The following HERC1 variants were observed in gnomAD, a reference collection of about 807,000 sequenced individuals.
HERC1 encodes HECT and RLD domain containing E3 ubiquitin protein ligase family member 1.
In HERC1, 160 loss-of-function variants were observed where a neutral mutation model predicts 554.3. That is an observed-to-expected ratio of 0.29 (90% CI 0.25 to 0.33). HERC1 has a LOEUF of 0.33. HERC1 is among the 10% of genes least tolerant of loss of function. The probability of loss-of-function intolerance (pLI) is 1.00; values close to 1 mark genes in which losing one functional copy is unlikely to be tolerated. For missense variants in HERC1, 4,919 were observed against 5,918.5 expected (o/e 0.83, Z 5.54); for synonymous variants, 2,175 against 2,131.7 (o/e 1.02, Z -0.56).
intron 24 of HERC1, among the ~76,000 whole-genome samples, chr15:63,708,205 T>G (rs1415765146): frequency 6.6e-6 from 1 of 152,084 alleles, no homozygotes; most frequent in African/African-American, 2.4e-5. Flanking sequence ...CATAGTACCT[T>G]TGCCATGAGG....
At chr15:63,663,237 C>T in intron 43 of HERC1, 33 bp from the exon 44 acceptor site, 8 of 1,561,086 alleles carry the variant, frequency 5.1e-6, no homozygotes, top group Non-Finnish European at 7.1e-6. Context: ...ATTTTATTTG[C>T]ATGCATAAAA....
intron 24 of HERC1, among the ~76,000 whole-genome samples, chr15:63,710,749 T>C (rs2073249758): frequency 6.6e-6 from 1 of 152,168 alleles, no homozygotes; most frequent in South Asian, 2.1e-4. Flanking sequence ...GAATGAAGAC[T>C]TGAAGAAAGA....
rs114514649 is a variant in HERC1, at chr15:63,695,208, T to C, written c.5122-314A>G. ...ATACCACCACACTTGGCTAATTTTT[T>C]GTATTTTCTGTAGAGACAGGGTTTC... is the stretch of plus-strand genomic sequence containing the variant. On this transcript the variant is annotated intron_variant, in intron 27 of 77. Coordinates refer to ENST00000443617, the MANE Select transcript of HERC1 (RefSeq NM_003922.4). Among the ~76,000 whole-genome samples the C allele has an allele frequency of 0.012, 1,853 of 150,980 alleles. 39 individuals are homozygous for C. Among genetic ancestry groups the C allele is most frequent in the African/African-American group, 0.044 (1,783 of 40,898 alleles).
In HERC1 at chr15:63,698,868, G is replaced by A; in HGVS notation, c.4765C>T (p.His1589Tyr). The change falls in exon 26 of 78, where the codon CAC (histidine) becomes TAC (tyrosine). Residue 1589 changes from histidine to tyrosine, a missense_variant. This residue lies in a region of HERC1 where 1,121 missense variants were observed against 1,244.0 expected (regional missense o/e 0.90). Coordinates refer to ENST00000443617, the MANE Select transcript of HERC1 (RefSeq NM_003922.4). ...DFDLTKSLGVHTLIENVVSFV... is the reference protein window; with the variant it reads ...DFDLTKSLGVYTLIENVVSFV... ...CTTACAACATTTTCAATCAAAGTGT[G>A]AACTCCCAAAGACTTGGTAAGATCA... The A allele has an allele frequency of 6.2e-7, 1 of 1,613,928 alleles. No individual in the cohort carries two copies. The highest frequency in any genetic ancestry group is 1.1e-5 in the South Asian group (1 of 91,076).
At chr15:63,824,307 G>A (rs933502675) in intron 1 of HERC1, among the ~76,000 whole-genome samples, 2 of 152,110 alleles carry the variant, frequency 1.3e-5, no homozygotes, top group Non-Finnish European at 2.9e-5. Flanking sequence ...GCCGAGGTGG[G>A]CAGATCACAA....
At chr15:63,661,128 G>A in intron 45 of HERC1, 103 bp from the exon 46 acceptor site, 1 of 822,114 alleles carries the variant, frequency 1.2e-6, no homozygotes, top group Admixed American at 2.1e-5. Context: ...TAATAAAGCA[G>A]CACAAAATAA....
chr15:63,660,102 T>A (rs937521708), intron 46 of HERC1, among the ~76,000 whole-genome samples, 166 bp from the exon 47 acceptor site: 2 of 152,032 alleles, frequency 1.3e-5, no homozygotes, highest in African/African-American at 4.8e-5. Flanking sequence ...CTGGATCACA[T>A]GAGGTCAGGA....
At chr15:63,645,390 C>G (rs2069284024) in intron 56 of HERC1, 93 bp downstream of exon 56, 3 of 902,050 alleles carry the variant, frequency 3.3e-6, no homozygotes, top group Non-Finnish European at 5.0e-6. Flanking sequence ...TGGCAATAAA[C>G]TCTTTAAGAC....
chr15:63,615,549 G>A (rs1412589069), intron 76 of HERC1, among the ~76,000 whole-genome samples: 1 of 152,256 alleles, frequency 6.6e-6, no homozygotes, highest in Non-Finnish European at 1.5e-5. Context: ...GGCAGAGGCT[G>A]CAGTGAGCTG....
At position 63,713,331 on chromosome 15, in the gene HERC1, T is replaced by A. The variant is rs749201768; in HGVS notation, c.4463+22A>T. ...TAAAGGGAAGTGAGTAGGTCATGTT[T>A]TCAGTGTCTAGTCAGTCCCACCTGG... On this transcript the variant is annotated intron_variant, in intron 23 of 77. Transcript: ENST00000443617. 100 of 1,596,772 alleles carry A rather than the reference T, an allele frequency of 6.3e-5. 1 individual carries two copies. The South Asian group carries it at 1.1e-3, about 18-fold the overall frequency.
Position 63,727,711 on chromosome 15 carries a change from G to A in HERC1, c.3282C>T (p.Cys1094=). ...CAGCAGCTGGCAGGAGTCTATTAAG[G>A]CAATCAAGAGGTGGCAACAAGTCGA... The part of the protein sequence containing the change: ...YLLDLLPPLD[C]LNRLLPAADL... Residue 1094 remains cysteine (C), a synonymous_variant, in exon 17 of 78, where the codon TGC becomes TGT. Transcript: ENST00000443617. This position sits in a 1 kb window ranked among gnomAD's most constrained non-coding sequence, Gnocchi z 4.3. 1 of 1,613,790 alleles carries A rather than the reference G, an allele frequency of 6.2e-7. No individual in the cohort carries two copies. The highest frequency in any genetic ancestry group is 1.1e-5 in the South Asian group (1 of 91,052).
intron 74 of HERC1, among the ~76,000 whole-genome samples, chr15:63,619,596 G>A (rs2067979901): frequency 6.6e-6 from 1 of 152,162 alleles, no homozygotes; most frequent in African/African-American, 2.4e-5. Context: ...TGTACCTCTG[G>A]TAGAAGTTGG....
chr15:63,620,894 T>C (rs1362266778), intron 74 of HERC1, among the ~76,000 whole-genome samples: 2 of 152,042 alleles, frequency 1.3e-5, no homozygotes, highest in African/African-American at 4.8e-5. Flanking sequence ...TGTCTCTGCA[T>C]GTGAGATGGG....
intron 46 of HERC1, 46 bp downstream of exon 46, chr15:63,660,927 T>C (rs753894593): frequency 1.8e-6 from 2 of 1,104,988 alleles, no homozygotes; most frequent in South Asian, 2.5e-5. Flanking sequence ...GCAGAGAGGA[T>C]ATATAAAAAA....
At chr15:63,827,461 T>A (rs896293105) in intron 1 of HERC1, among the ~76,000 whole-genome samples, 2 of 151,362 alleles carry the variant, frequency 1.3e-5, no homozygotes, top group African/African-American at 4.9e-5. Flanking sequence ...AAGGAATATC[T>A]CTTCAAAAGA....
At chr15:63,740,304 T>G (rs2141330000) in intron 12 of HERC1, among the ~76,000 whole-genome samples, 1 of 152,366 alleles carries the variant, frequency 6.6e-6, no homozygotes, top group South Asian at 2.1e-4. Context: ...TGTATGAATA[T>G]ACGAAATTTT....
At chr15:63,653,155 A>C (rs917257216) in intron 51 of HERC1, among the ~76,000 whole-genome samples, 6 of 152,312 alleles carry the variant, frequency 3.9e-5, no homozygotes, top group African/African-American at 1.4e-4. Flanking sequence ...AAATTGTTTA[A>C]GTAGGCCAGG....
At chr15:63,732,421 A>G (rs1356728914) in intron 14 of HERC1, among the ~76,000 whole-genome samples, 3 of 152,236 alleles carry the variant, frequency 2.0e-5, no homozygotes, top group African/African-American at 7.2e-5. Flanking sequence ...CAATAGCTAT[A>G]ACATTATTAG....
At chr15:63,774,351 A>G (rs1390975843) in intron 2 of HERC1, among the ~76,000 whole-genome samples, 1 of 152,184 alleles carries the variant, frequency 6.6e-6, no homozygotes, top group African/African-American at 2.4e-5. Flanking sequence ...ATATGAAAAT[A>G]AGAGGTTTTT....
Sources: gnomAD v4.1 joint callset for allele counts (sites outside exome capture counted in the v4.1 genomes callset) on GRCh38, gnomAD v4.1.1 for gene constraint, gnomAD v4.1.1 regional missense constraint, Gnocchi (gnomAD v3.1) non-coding constraint, MANE v1.5 for transcripts, NCBI Gene and HGNC (gene_info 2026-07-23, HGNC 2026-07-21) for gene names.